Variants in GLIS1 observed in about 807,000 individuals in gnomAD.
GLIS1 encodes the protein zinc finger protein GLIS1.
GLIS1 carries 24 observed loss-of-function variants against 63.8 expected under a neutral mutation model. The observed-to-expected ratio is 0.38, with a 90% confidence interval of 0.27 to 0.53. The LOEUF is 0.53. Among genes scored for constraint, GLIS1 ranks in the 20% least tolerant of loss-of-function variants. GLIS1 has a pLI of 0.85. For missense variants in GLIS1, 1,036 were observed against 1,074.1 expected, an observed-to-expected ratio of 0.96 and a Z score of 0.50; for synonymous variants, 450 against 482.5, an observed-to-expected ratio of 0.93 and a Z score of 0.88.
At chr1:53,555,555 C>A (rs1397781660) in intron 4 of GLIS1, among the ~76,000 whole-genome samples, 4 of 152,064 alleles carry the variant, frequency 2.6e-5, no homozygotes, top group Non-Finnish European at 5.9e-5. Flanking sequence ...AAAACAAAAA[C>A]AAAATGCATA....
chr1:53,556,218 G>A (rs1440905709), intron 4 of GLIS1, among the ~76,000 whole-genome samples: 1 of 144,430 alleles, frequency 6.9e-6, no homozygotes, highest in Non-Finnish European at 1.5e-5. Context: ...TTGCAGGTGT[G>A]TGTGTATGCA....
intron 4 of GLIS1, among the ~76,000 whole-genome samples, chr1:53,552,006 C>A (rs1039222519): frequency 1.3e-5 from 2 of 152,062 alleles, no homozygotes; most frequent in African/African-American, 4.8e-5. Flanking sequence ...CCAATCACAC[C>A]CCCAAACAAA....
Position 53,530,096 on chromosome 1 carries a change from C to T in GLIS1, c.1321-144G>A. 6 of 714,226 alleles carry T rather than the reference C, an allele frequency of 8.4e-6. No individual in the cohort carries two copies. The South Asian group carries it at 9.5e-5, about 11-fold the overall frequency. 44.2% of individuals were successfully genotyped at this position (714,226 alleles called of 1,614,324 possible). A position where few individuals can be genotyped will look rare whatever the true frequency, so the allele number is the denominator to read the frequency against. On this transcript the variant is annotated intron_variant, in intron 4 of 10. Coordinates refer to ENST00000628545, the MANE Select transcript of GLIS1 (RefSeq NM_001367484.1). ...CCTCTGAGAGCTCTGGATCAGCTCC[C>T]CATGAAGTGCTCAGGGCCCAGGCCT...
chr1:53,535,669 T>G (rs1289364377), intron 4 of GLIS1, among the ~76,000 whole-genome samples: 1 of 152,060 alleles, frequency 6.6e-6, no homozygotes, highest in Non-Finnish European at 1.5e-5. Context: ...CCTTCTCTTC[T>G]TATCCACCCA....
intron 2 of GLIS1, among the ~76,000 whole-genome samples, chr1:53,712,101 C>T (rs896980440): frequency 4.6e-5 from 7 of 152,162 alleles, no homozygotes; most frequent in Non-Finnish European, 7.3e-5. Context: ...GATTTGAGTC[C>T]AGTTTTCATT....
At chr1:53,729,960 G>A (rs1032633222) in intron 2 of GLIS1, among the ~76,000 whole-genome samples, 6 of 152,182 alleles carry the variant, frequency 3.9e-5, no homozygotes, top group South Asian at 2.1e-4. Context: ...AATTACAGCC[G>A]TTTTCTCCAG....
At chr1:53,514,930 A>G in intron 7 of GLIS1, 149 bp from the exon 8 acceptor site, 1 of 917,824 alleles carries the variant, frequency 1.1e-6, no homozygotes, top group Non-Finnish European at 1.6e-6. Context: ...TAGGGGCCCC[A>G]GTGAGGGAGG....
intron 2 of GLIS1, among the ~76,000 whole-genome samples, chr1:53,622,426 T>TTAAAAA (rs1645553953): frequency 1.9e-4 from 1 of 5,216 alleles, no homozygotes; most frequent in Non-Finnish European, 7.3e-4. Flanking sequence ...AGACTATGTC[T>TTAAAAA]CAAAAAAAAA....
chr1:53,591,343 C>G (rs938655517), intron 4 of GLIS1, among the ~76,000 whole-genome samples: 3 of 152,128 alleles, frequency 2.0e-5, no homozygotes, highest in Admixed American at 2.0e-4. Context: ...GACAAGCCTC[C>G]GAAGCCCAGA....
chr1:53,536,603 T>G (rs1644583854), intron 4 of GLIS1, among the ~76,000 whole-genome samples: 1 of 152,118 alleles, frequency 6.6e-6, no homozygotes, highest in African/African-American at 2.4e-5. Context: ...AGCCAGTCAG[T>G]GACGGAGCAG....
intron 2 of GLIS1, among the ~76,000 whole-genome samples, chr1:53,615,920 T>C (rs1178082950): frequency 2.6e-5 from 4 of 152,060 alleles, no homozygotes; most frequent in African/African-American, 9.7e-5. Context: ...GGCTAATTTT[T>C]GTATTTTAGT....
At chr1:53,665,990 T>C (rs913357673) in intron 2 of GLIS1, among the ~76,000 whole-genome samples, 4 of 152,130 alleles carry the variant, frequency 2.6e-5, no homozygotes, top group Non-Finnish European at 5.9e-5. Context: ...TTAATCCTCA[T>C]GACAATCCTA....
intron 7 of GLIS1, among the ~76,000 whole-genome samples, chr1:53,519,361 G>T (rs1644383693): frequency 6.6e-6 from 1 of 152,230 alleles, no homozygotes; most frequent in South Asian, 2.1e-4. Flanking sequence ...TTTTCTTCCT[G>T]AGGCTGTTTG....
rs199868422 is a variant in GLIS1 at position 53,590,366 on chromosome 1, C to T, written c.1320+3742G>A. Among the ~76,000 whole-genome samples the T allele has an allele frequency of 5.3e-5, 8 of 152,262 alleles. No homozygotes were observed. The East Asian group carries it at 1.2e-3, about 22-fold the overall frequency. On this transcript the variant is annotated intron_variant, in intron 4 of 10. Transcript: ENST00000628545. ...CTCTGCACATGCCTTCCGGACCGTG[C>T]TCACAGCTTTGGTAAAACTCTTCAC...
Position 53,511,233 on chromosome 1 carries a change from C to G in GLIS1, c.1884-1206G>C, listed in dbSNP as rs955862886. 2.6e-5 allele frequency among the ~76,000 whole-genome samples: 4 copies of G among 152,168 alleles called. No individual in the cohort carries two copies. Among genetic ancestry groups the G allele is most frequent in the Non-Finnish European group, 5.9e-5 (4 of 68,034 alleles). On this transcript the variant is annotated intron_variant, in intron 8 of 10. Transcript: ENST00000628545. The surrounding 1 kb of genome is among the most constrained non-coding windows in gnomAD (Gnocchi z 4.2). ...CTGGATTTGTGGCTTGTTGGACCAT[C>G]CACATTAAAATATACAGCGAATTCA...
chr1:53,537,332 G>GC (rs1192227391), intron 4 of GLIS1, among the ~76,000 whole-genome samples: 1 of 152,224 alleles, frequency 6.6e-6, no homozygotes, highest in Non-Finnish European at 1.5e-5. Flanking sequence ...ATGCAGGGGA[G>GC]CCCCAGCACA....
chr1:53,713,031 A>G (rs2100528998), intron 2 of GLIS1, among the ~76,000 whole-genome samples: 1 of 152,378 alleles, frequency 6.6e-6, no homozygotes, highest in South Asian at 2.1e-4. Context: ...TAGAGACAGT[A>G]TCAAGAGAAA....
At position 53,684,847 on chromosome 1, in the gene GLIS1, GCTTGC is replaced by G. The variant is rs564479880; in HGVS notation, c.259+52954_259+52958del. Among the ~76,000 whole-genome samples the G allele has an allele frequency of 1.4e-4, 22 of 152,334 alleles. No individual in the cohort carries two copies. In the South Asian group the frequency reaches 4.4e-3, roughly 30 times the overall value. ...CTTTAGGGCAGGCAAGTGGAGCCTG[GCTTGC>G]TGTGTGGCTTCAGGGAATTGGCTCT... On this transcript the variant is annotated intron_variant, in intron 2 of 10. Transcript: ENST00000628545.
chr1:53,719,350 C>T (rs1293147478), intron 2 of GLIS1, among the ~76,000 whole-genome samples: 3 of 152,204 alleles, frequency 2.0e-5, no homozygotes, highest in Non-Finnish European at 2.9e-5. Flanking sequence ...CCTCCCTGCC[C>T]ACCTGGCATG....
Sources: allele counts gnomAD v4.1 joint callset (sites outside exome capture counted in the v4.1 genomes callset), GRCh38; gene constraint gnomAD v4.1.1; non-coding constraint Gnocchi (gnomAD v3.1); transcripts MANE v1.5; gene names NCBI Gene and HGNC (gene_info 2026-07-23, HGNC 2026-07-21).